The following COL2A1 variants were observed in gnomAD, a reference collection of about 807,000 sequenced individuals.
COL2A1 encodes the protein collagen alpha-1(II) chain.
A neutral mutation model predicts 204.5 loss-of-function variants in COL2A1; 28 were observed. That is an observed-to-expected ratio of 0.14 (90% CI 0.10 to 0.19). The LOEUF (loss-of-function observed/expected upper bound fraction) is 0.19, where lower values mean the gene tolerates loss of function less well. Ranked by LOEUF, COL2A1 falls within the 10% of genes least tolerant of loss-of-function variation. COL2A1 has a pLI of 1.00. For synonymous variants in COL2A1, 708 were observed against 718.7 expected (o/e 0.99, Z 0.24); for missense variants, 1,388 against 2,027.5 (o/e 0.68, Z 6.06).
At position 47,999,964 on chromosome 12, in the gene COL2A1, C is replaced by T. The variant is rs762911032; in HGVS notation, c.247G>A (p.Gly83Arg). 19 of 1,614,050 alleles carry T rather than the reference C, an allele frequency of 1.2e-5. No homozygotes were observed. The highest frequency in any genetic ancestry group is 3.3e-5 in the Admixed American group (2 of 60,004). ...KDCLSPEIPF[G>R]ECCPICPTDL... Reference sequence around the variant, plus strand: ...GTTGGGCAGATGGGGCAGCACTCTCCGAAGGGGATCTCAGGGCTGAGGCAG... The same window carrying T: ...GTTGGGCAGATGGGGCAGCACTCTCTGAAGGGGATCTCAGGGCTGAGGCAG... Residue 83 changes from glycine (G) to arginine (R), a missense_variant, in exon 2 of 54, where the codon GGA (glycine) becomes AGA (arginine). Transcript: ENST00000380518.
At chr12:47,988,815 C>T (rs77074611) in intron 18 of COL2A1, among the ~76,000 whole-genome samples, 2,417 of 152,366 alleles carry the variant, frequency 0.016, 63 homozygotes, top group African/African-American at 0.055. Context: ...GGAGCAGGGG[C>T]TCCCTGCCTG....
intron 2 of COL2A1, 159 bp from the exon 3 acceptor site, chr12:47,998,590 T>C: frequency 1.4e-6 from 1 of 728,664 alleles, no homozygotes; most frequent in Non-Finnish European, 2.3e-6. Flanking sequence ...TCTGTTGGGG[T>C]GTTAGGGCCA....
chr12:47,976,049 G>A lies in COL2A1; in HGVS notation c.3511C>T (p.Pro1171Ser), dbSNP rs147750391. ...GPRGPPGPVG[P>S]SGKDGANGIP... ...CCATTAGCACCATCTTTGCCAGAGG[G>A]ACCGACGGGGCCAGGAGGACCCTGC... The change falls in exon 50 of 54, where the codon CCC becomes TCC. Residue 1171 changes from proline to serine, a missense_variant. This residue lies in a region of COL2A1 where 884 missense variants were observed against 1,415.8 expected (regional missense o/e 0.62). Coordinates refer to ENST00000380518, the MANE Select transcript of COL2A1 (RefSeq NM_001844.5). This position sits in a 1 kb window ranked among gnomAD's most constrained non-coding sequence, Gnocchi z 4.3. 58 of 1,613,890 alleles carry A rather than the reference G, an allele frequency of 3.6e-5. No homozygotes were observed. In the African/African-American group the frequency reaches 7.2e-4, roughly 20 times the overall value.
upstream of COL2A1, among the ~76,000 whole-genome samples, chr12:48,005,108 G>T (rs1315516155): frequency 6.6e-6 from 1 of 152,188 alleles, no homozygotes; most frequent in African/African-American, 2.4e-5. Flanking sequence ...CACAGCGACT[G>T]CCCTCCACCC....
Position 47,974,271 on chromosome 12 carries a change from G to T in COL2A1, c.4135C>A (p.Arg1379Ser), listed in dbSNP as rs141951587. Residue 1379 changes from arginine to serine, a missense_variant, in exon 53 of 54, where the codon CGC becomes AGC. Transcript: ENST00000380518. ...TGGGAGCCTTCCGTGGACAGCAGGC[G>T]TAGGAAGGTCATCTGGACGTTGGCA... ...NTANVQMTFL[R>S]LLSTEGSQNI... is the part of the protein sequence containing the mutation. The T allele has an allele frequency of 1.4e-5, 22 of 1,614,078 alleles. No individual in the cohort carries two copies. Among genetic ancestry groups the T allele is most frequent in the Non-Finnish European group, 1.9e-5 (22 of 1,180,026 alleles).
chr12:47,995,686 G>A (rs770491769), intron 10 of COL2A1, 24 bp downstream of exon 10: 3 of 1,612,790 alleles, frequency 1.9e-6, no homozygotes, highest in Non-Finnish European at 2.5e-6. Context: ...CCCAGAGAAG[G>A]GACAGGGCCG....
At chr12:47,986,611 G>C (rs986161317) in intron 22 of COL2A1, among the ~76,000 whole-genome samples, 168 bp from the exon 23 acceptor site, 1 of 152,344 alleles carries the variant, frequency 6.6e-6, no homozygotes, top group South Asian at 2.1e-4. Flanking sequence ...AGGGAAGTGA[G>C]AGGGGCTAAA....
intron 44 of COL2A1, 146 bp from the exon 45 acceptor site, chr12:47,977,799 CCCT>C (rs757301359): frequency 1.8e-5 from 19 of 1,038,786 alleles, no homozygotes; most frequent in Non-Finnish European, 2.8e-5. Flanking sequence ...CACCAAGTTT[CCCT>C]CCTCCTTCCG....
chr12:47,984,351 G>A (rs1483309150), intron 28 of COL2A1, among the ~76,000 whole-genome samples, 195 bp downstream of exon 28: 1 of 151,968 alleles, frequency 6.6e-6, no homozygotes, highest in Non-Finnish European at 1.5e-5. Context: ...CAGCTCCCCG[G>A]CCTGCTGACC....
rs2136542099 is a variant in COL2A1 at position 47,981,379 on chromosome 12, A to G, written c.2427T>C (p.Pro809=). 1.9e-6 allele frequency: 3 copies of G among 1,612,472 alleles called. No homozygotes were observed. Among genetic ancestry groups the G allele is most frequent in the African/African-American group, 1.3e-5 (1 of 75,040 alleles). ...GAGCACCAGCACTTCCTGCAGGACC[A>G]GGAGGTCCAACTTCTCCCTGAGGGT... The part of the protein sequence containing the change: ...ANGEKGEVGP[P]GPAGSAGARG... The change falls in exon 37 of 54, where the codon CCT becomes CCC. Residue 809 remains proline, a synonymous_variant. Transcript: ENST00000380518.
At chr12:47,991,648 G>A (rs1190333409) in intron 16 of COL2A1, among the ~76,000 whole-genome samples, 3 of 152,148 alleles carry the variant, frequency 2.0e-5, no homozygotes, top group African/African-American at 4.8e-5. Flanking sequence ...ACTACCGTGC[G>A]GACAGGAACC....
rs1333696091 is a variant in COL2A1, at chr12:47,995,284, G to T, written c.733C>A (p.Pro245Thr). The change falls in exon 11 of 54, where the codon CCT (proline) becomes ACT (threonine). Residue 245 changes from proline to threonine, a missense_variant. By Grantham distance (38) the Pro-to-Thr change is conservative (BLOSUM62 -1). Coordinates refer to ENST00000380518, the MANE Select transcript of COL2A1 (RefSeq NM_001844.5). ...TCACCAGGCTTTCCAGGGGGACCAG[G>T]AGGACCACGGGGACCCATGGGACCC... ...VSGPMGPRGP[P>T]GPPGKPGDDG... The T allele has an allele frequency of 1.1e-5, 18 of 1,613,646 alleles. No individual in the cohort carries two copies. Among genetic ancestry groups the T allele is most frequent in the Non-Finnish European group, 1.4e-5 (17 of 1,179,624 alleles).
In COL2A1 at chr12:47,973,412, A is replaced by G. The variant is rs1938531475; in HGVS notation, c.4459T>C (p.Leu1487=). 1.9e-6 allele frequency: 3 copies of G among 1,614,046 alleles called. No individual in the cohort carries two copies. Among genetic ancestry groups the G allele is most frequent in the Middle Eastern group, 1.6e-4 (1 of 6,084 alleles). Residue 1487 remains leucine, a synonymous_variant, in exon 54 of 54, where the codon TTG becomes CTG. Coordinates refer to ENST00000380518, the MANE Select transcript of COL2A1 (RefSeq NM_001844.5). ...TTGTTTCTGGGTTCAGGTTTTTACA[A>G]GAAGCAGACCGGCCCTATGTCCACA... ...FGVDIGPVCF[L]
intron 7 of COL2A1, 43 bp from the exon 8 acceptor site, chr12:47,996,668 G>T (rs776845109): frequency 1.3e-6 from 2 of 1,536,690 alleles, no homozygotes; most frequent in South Asian, 2.2e-5. Flanking sequence ...AAAGGCACTA[G>T]GTCTTCCCTA....
In COL2A1 at chr12:47,987,660, G is replaced by A; in HGVS notation, c.1172C>T (p.Pro391Leu). ...CCCAGGAGTACCAGGTTCACCGCGAGGACCTTGAGCACCTTCAGGACCACG... is the reference window on the plus strand; with the variant it reads ...CCCAGGAGTACCAGGTTCACCGCGAAGACCTTGAGCACCTTCAGGACCACG... ...GARGPEGAQG[P>L]RGEPGTPGSP... Residue 391 changes from proline (P) to leucine (L), a missense_variant, in exon 19 of 54, where the codon CCT becomes CTT. This residue lies in a region of COL2A1 where 884 missense variants were observed against 1,415.8 expected (regional missense o/e 0.62). Transcript: ENST00000380518. The surrounding 1 kb of genome is among the most constrained non-coding windows in gnomAD (Gnocchi z 4.1). The A allele has an allele frequency of 6.2e-7, 1 of 1,613,412 alleles. No individual in the cohort carries two copies. The highest frequency in any genetic ancestry group is 8.5e-7 in the Non-Finnish European group (1 of 1,179,772).
rs11168340 is a variant in COL2A1, at chr12:47,988,313, G to A, written c.1123-604C>T. 1,312 of 155,618 alleles carry A rather than the reference G, an allele frequency of 8.4e-3. 18 individuals are homozygous for A. The highest frequency in any genetic ancestry group is 0.03 in the African/African-American group (1,226 of 41,550). The allele number at this position is 155,618 out of a possible 1,614,324, so 9.6% of individuals were successfully genotyped here. On this transcript the variant is annotated intron_variant, in intron 18 of 53. Coordinates refer to ENST00000380518, the MANE Select transcript of COL2A1 (RefSeq NM_001844.5). Reference sequence around the variant, plus strand: ...TCAATACAGCCCAATTCCCCTTAGCGGGCGCCTCTGGCAAGCCCCCTCCCC... The same window carrying A: ...TCAATACAGCCCAATTCCCCTTAGCAGGCGCCTCTGGCAAGCCCCCTCCCC...
Position 47,985,973 on chromosome 12 carries a change from G to A in COL2A1, c.1528-8C>T, listed in dbSNP as rs1195570891. On this transcript the variant is annotated splice_polypyrimidine_tract_variant and splice_region_variant and intron_variant, in intron 23 of 53. Coordinates refer to ENST00000380518, the MANE Select transcript of COL2A1 (RefSeq NM_001844.5). The stretch of plus-strand genomic sequence containing the variant: ...GCGGTTGCCGGGAGCACCCTAAGGA[G>A]CCACAGGGAGGAGAGGCAGTGAGTG... 6.4e-7 allele frequency: 1 copy of A among 1,551,590 alleles called. No homozygotes were observed.
Position 47,976,972 on chromosome 12 carries a change from C to T in COL2A1, c.3328-53G>A. ...TCAGGTCAGGGCCAGGACAGGAGCC[C>T]CCTCCTGTCCCACCCAAGCTGAGGA... On this transcript the variant is annotated intron_variant, in intron 47 of 53. Coordinates refer to ENST00000380518, the MANE Select transcript of COL2A1 (RefSeq NM_001844.5). This position sits in a 1 kb window ranked among gnomAD's most constrained non-coding sequence, Gnocchi z 4.3. 1 of 1,517,578 alleles carries T rather than the reference C, an allele frequency of 6.6e-7. No homozygotes were observed. Among genetic ancestry groups the T allele is most frequent in the Non-Finnish European group, 9.0e-7 (1 of 1,108,984 alleles). The allele number at this position is 1,517,578 out of a possible 1,614,324, so 94.0% of individuals were successfully genotyped here.
chr12:47,991,188 T>G (rs1460340841), intron 16 of COL2A1, among the ~76,000 whole-genome samples: 1 of 152,112 alleles, frequency 6.6e-6, no homozygotes, highest in Non-Finnish European at 1.5e-5. Context: ...TGGAGCACCC[T>G]CTCCCCAGGG....
Sources: gnomAD v4.1 joint callset for allele counts (sites outside exome capture counted in the v4.1 genomes callset) on GRCh38, gnomAD v4.1.1 for gene constraint, gnomAD v4.1.1 regional missense constraint, Gnocchi (gnomAD v3.1) non-coding constraint, MANE v1.5 for transcripts, NCBI Gene and HGNC (gene_info 2026-07-23, HGNC 2026-07-21) for gene names.